Variants in ISM1 observed in about 807,000 individuals in gnomAD.
ISM1 encodes the protein isthmin-1.
ISM1 carries 25 observed loss-of-function variants against 46.3 expected under a neutral mutation model. The observed-to-expected ratio is 0.54, with a 90% CI of 0.39 to 0.75. The LOEUF is 0.75. ISM1 is among the 30% of genes least tolerant of loss of function. The pLI, the probability that ISM1 is intolerant of heterozygous loss-of-function variation, is 0.00. For synonymous variants in ISM1, 255 were observed against 256.7 expected, an observed-to-expected ratio of 0.99 and a Z score of 0.06; for missense variants, 536 against 625.4, an observed-to-expected ratio of 0.86 and a Z score of 1.52.
chr20:13,227,770 AGTGCTGGGATTACAG>A (rs1198819158), intron 1 of ISM1, among the ~76,000 whole-genome samples: 3 of 152,050 alleles, frequency 2.0e-5, no homozygotes, highest in Non-Finnish European at 4.4e-5. Flanking sequence ...TGCCTCCCAA[AGTGCTGGGATTACAG>A]GTGTGAGCCA....
In ISM1 at chr20:13,299,610, C is replaced by A; in HGVS notation, c.*151C>A. On this transcript the variant is annotated 3_prime_UTR_variant, in exon 6 of 6. Coordinates refer to ENST00000262487, the MANE Select transcript of ISM1 (RefSeq NM_080826.2). The surrounding 1 kb of genome is among the most constrained non-coding windows in gnomAD (Gnocchi z 5.8). ...TATTTCTCATACATTACGCTAGGGG[C>A]GTGTGCCACGCCCAGGGGACTGCCT... 2 of 763,044 alleles carry A rather than the reference C, an allele frequency of 2.6e-6. No homozygotes were observed. Among genetic ancestry groups the A allele is most frequent in the Non-Finnish European group, 4.1e-6 (2 of 487,036 alleles). The allele number at this position is 763,044 out of a possible 1,614,324, so 47.3% of individuals were successfully genotyped here.
rs539550123 is a variant in ISM1, at chr20:13,248,561, C to T, written c.139-21943C>T. Among the ~76,000 whole-genome samples, 3 of 152,346 alleles carry T rather than the reference C, an allele frequency of 2.0e-5. No homozygotes were observed. In the South Asian group the frequency reaches 6.2e-4, roughly 32 times the overall value. ...TAATAAATAAGACCATTGAACTTTA[C>T]CTCTTGAGCCAGGCCTCATAATACT... is the stretch of plus-strand genomic sequence containing the variant. On this transcript the variant is annotated intron_variant, in intron 1 of 5. Coordinates refer to ENST00000262487, the MANE Select transcript of ISM1 (RefSeq NM_080826.2).
chr20:13,310,681 G>T, the ISM1 span, among the ~76,000 whole-genome samples: 1 of 152,058 alleles, frequency 6.6e-6, no homozygotes, highest in Admixed American at 6.6e-5. Flanking sequence ...TCTGATATGG[G>T]GTTAATCCGA....
intron 2 of ISM1, among the ~76,000 whole-genome samples, chr20:13,276,380 C>T (rs555407019): frequency 6.6e-5 from 10 of 152,296 alleles, no homozygotes; most frequent in African/African-American, 2.4e-4. Context: ...GAGTTTGCTT[C>T]TAGTCAATGT....
chr20:13,310,011 T>C, the ISM1 span, among the ~76,000 whole-genome samples: 1 of 152,150 alleles, frequency 6.6e-6, no homozygotes, highest in African/African-American at 2.4e-5. Flanking sequence ...AATGTCCATA[T>C]TACCCAAAGC....
In ISM1 at chr20:13,293,463, T is replaced by A. The variant is rs569073437; in HGVS notation, c.877+1000T>A. Among the ~76,000 whole-genome samples the A allele has an allele frequency of 3.9e-5, 6 of 152,136 alleles. No individual in the cohort carries two copies. The South Asian group carries it at 1.0e-3, about 26-fold the overall frequency. ...AAAGTTCTTACTTAGCCTCTTCACC[T>A]CTGCCCTGCCTCCTCAGTCAAAATT... On this transcript the variant is annotated intron_variant, in intron 5 of 5. Transcript: ENST00000262487.
chr20:13,278,623 C>A (rs1318246191), intron 2 of ISM1, among the ~76,000 whole-genome samples: 1 of 152,220 alleles, frequency 6.6e-6, no homozygotes, highest in African/African-American at 2.4e-5. Flanking sequence ...GTTGATGTCT[C>A]TGTGCACCAG....
intron 1 of ISM1, among the ~76,000 whole-genome samples, chr20:13,237,068 T>G (rs2039659262): frequency 6.6e-6 from 1 of 152,164 alleles, no homozygotes. Context: ...GGTCCCACAT[T>G]TCCCTTCTGC....
At chr20:13,256,507 C>G (rs1046919800) in intron 1 of ISM1, among the ~76,000 whole-genome samples, 1 of 151,380 alleles carries the variant, frequency 6.6e-6, no homozygotes. Context: ...TCCAGCATGA[C>G]TATTCTCAGG....
intron 4 of ISM1, among the ~76,000 whole-genome samples, chr20:13,290,757 C>T (rs2040344783): frequency 6.6e-6 from 1 of 152,266 alleles, no homozygotes; most frequent in East Asian, 1.9e-4. Flanking sequence ...AAGTGTCAAG[C>T]AAATGGCTAA....
At chr20:13,246,947 T>C (rs1359173005) in intron 1 of ISM1, among the ~76,000 whole-genome samples, 3 of 141,298 alleles carry the variant, frequency 2.1e-5, no homozygotes, top group Non-Finnish European at 4.6e-5. Context: ...AATATATATA[T>C]GTATAGTGCC....
At position 13,285,519 on chromosome 20, in the gene ISM1, C is replaced by G. The variant is rs548676353; in HGVS notation, c.644-3021C>G. Reference sequence around the variant, plus strand: ...GGGCCTCTCTCCACTGGTCCCTCCCCCTCCAGGAGGCTAGCCTAGGCACTT... The same window carrying G: ...GGGCCTCTCTCCACTGGTCCCTCCCGCTCCAGGAGGCTAGCCTAGGCACTT... On this transcript the variant is annotated intron_variant, in intron 3 of 5. Coordinates refer to ENST00000262487, the MANE Select transcript of ISM1 (RefSeq NM_080826.2). Among the ~76,000 whole-genome samples, 220 of 152,226 alleles carry G rather than the reference C, an allele frequency of 1.4e-3. 2 individuals carry two copies. Among genetic ancestry groups the G allele is most frequent in the Non-Finnish European group, 2.3e-3 (157 of 68,010 alleles).
At chr20:13,269,208 T>C (rs958014273) in intron 1 of ISM1, among the ~76,000 whole-genome samples, 1 of 152,146 alleles carries the variant, frequency 6.6e-6, no homozygotes, top group African/African-American at 2.4e-5. Context: ...TGAAATTCTA[T>C]CTCCTTGTCT....
chr20:13,282,723 G>A (rs1195081677), intron 3 of ISM1, among the ~76,000 whole-genome samples: 1 of 152,214 alleles, frequency 6.6e-6, no homozygotes, highest in Admixed American at 6.5e-5. Flanking sequence ...GTCGTGTTCT[G>A]TGCAGTACCT....
At chr20:13,255,196 T>G (rs971611534) in intron 1 of ISM1, among the ~76,000 whole-genome samples, 1 of 152,202 alleles carries the variant, frequency 6.6e-6, no homozygotes, top group Non-Finnish European at 1.5e-5. Flanking sequence ...GGAGGTGACA[T>G]TTAAGCTGAG....
At position 13,221,876 on chromosome 20, in the gene ISM1, G is replaced by A. The variant is rs1420300067; in HGVS notation, c.100G>A (p.Asp34Asn). 1 of 1,413,652 alleles carries A rather than the reference G, an allele frequency of 7.1e-7. No individual in the cohort carries two copies. Among genetic ancestry groups the A allele is most frequent in the Non-Finnish European group, 9.2e-7 (1 of 1,089,666 alleles). 87.6% of individuals were successfully genotyped at this position (1,413,652 alleles called of 1,614,324 possible). A position where few individuals can be genotyped will look rare whatever the true frequency, so the allele number is the denominator to read the frequency against. ...CGGCTCGGGAGCCGCCGACGGGCCC[G>A]ACGCGGCCGCGGGCAACGCCAGCCA... Reference protein sequence around the residue: ...LRGSGAADGPDAAAGNASQAQ... With the variant: ...LRGSGAADGPNAAAGNASQAQ... Residue 34 changes from aspartate (D) to asparagine (N), a missense_variant, in exon 1 of 6, where the codon GAC (aspartate) becomes AAC (asparagine). Asp to Asn is a conservative substitution (Grantham distance 23). Transcript: ENST00000262487.
rs1180548845 is a variant in ISM1, at chr20:13,299,378, TC to T, written c.1317del (p.Asn440ThrfsTer56). On this transcript the variant is annotated frameshift_variant, in exon 6 of 6. Coordinates refer to ENST00000262487, the MANE Select transcript of ISM1 (RefSeq NM_080826.2). LOFTEE classifies it high-confidence loss of function. This position sits in a 1 kb window ranked among gnomAD's most constrained non-coding sequence, Gnocchi z 5.8. ...DWSRYNEARP[P>X]NNGQKCTESP... is the part of the protein sequence containing the mutation. ...GGAGCAGGTATAACGAGGCCCGGCCTCCCAACAACGGACAGAAGTGCACAGA... is the reference window on the plus strand; with the variant it reads ...GGAGCAGGTATAACGAGGCCCGGCCTCCAACAACGGACAGAAGTGCACAGA... 1 of 1,613,568 alleles carries T rather than the reference TC, an allele frequency of 6.2e-7. No homozygotes were observed. The highest frequency in any genetic ancestry group is 1.1e-5 in the South Asian group (1 of 91,082).
chr20:13,279,451 C>T (rs729645), intron 2 of ISM1, among the ~76,000 whole-genome samples, 183 bp from the exon 3 acceptor site: 22,148 of 152,152 alleles, frequency 0.15, 3,228 homozygotes, highest in African/African-American at 0.37. Flanking sequence ...TTCCATCTAG[C>T]CGTGGAATTC....
At chr20:13,323,199 C>T in the ISM1 span, among the ~76,000 whole-genome samples, 1 of 152,018 alleles carries the variant, frequency 6.6e-6, no homozygotes, top group South Asian at 2.1e-4. Context: ...ATAAGAGAGT[C>T]GGTAGGGTTG....
Sources: gnomAD v4.1 joint callset for allele counts (sites outside exome capture counted in the v4.1 genomes callset) on GRCh38, gnomAD v4.1.1 for gene constraint, Gnocchi (gnomAD v3.1) non-coding constraint, MANE v1.5 for transcripts, NCBI Gene and HGNC (gene_info 2026-07-23, HGNC 2026-07-21) for gene names.